Variants in IMMP2L observed in about 807,000 individuals in gnomAD.
The protein encoded by IMMP2L is inner mitochondrial membrane peptidase subunit 2.
A neutral mutation model predicts 19.3 loss-of-function variants in IMMP2L; 18 were observed. That is an observed-to-expected ratio of 0.93 (90% CI 0.64 to 1.38). The LOEUF is 1.38. Among genes scored for constraint, IMMP2L ranks in the 40% most tolerant of loss-of-function variants. IMMP2L has a pLI of 0.00. For synonymous variants in IMMP2L, 76 were observed against 73.0 expected, an observed-to-expected ratio of 1.04 and a Z score of -0.21; for missense variants, 233 against 218.2, an observed-to-expected ratio of 1.07 and a Z score of -0.43.
At chr7:111,192,407 A>G (rs1020960239) in intron 3 of IMMP2L, among the ~76,000 whole-genome samples, 9 of 152,224 alleles carry the variant, frequency 5.9e-5, no homozygotes, top group African/African-American at 2.2e-4. Flanking sequence ...ATTTCCTGCT[A>G]TTCTAAAGCC....
intron 3 of IMMP2L, among the ~76,000 whole-genome samples, chr7:111,482,711 C>G (rs1045600102): frequency 1.1e-4 from 16 of 152,154 alleles, no homozygotes; most frequent in African/African-American, 3.6e-4. Flanking sequence ...ACCTCCCCAG[C>G]TGGCCCTACT....
intron 3 of IMMP2L, among the ~76,000 whole-genome samples, chr7:111,315,520 C>T (rs562312508): frequency 9.2e-5 from 14 of 151,908 alleles, no homozygotes; most frequent in Non-Finnish European, 1.0e-4. Context: ...TAAAAATTTA[C>T]GTGGATATTT....
chr7:111,108,614 A>G (rs1798818667), intron 3 of IMMP2L, among the ~76,000 whole-genome samples: 2 of 152,154 alleles, frequency 1.3e-5, no homozygotes, highest in African/African-American at 4.8e-5. Flanking sequence ...GAAATTTATG[A>G]TTCTTTTTAA....
chr7:111,282,931 T>C (rs934776378), intron 3 of IMMP2L, among the ~76,000 whole-genome samples: 2 of 151,938 alleles, frequency 1.3e-5, no homozygotes, highest in Non-Finnish European at 1.5e-5. Flanking sequence ...AGACAGAAGA[T>C]CAACAAGGAA....
intron 3 of IMMP2L, among the ~76,000 whole-genome samples, chr7:111,372,893 A>C (rs760355197): frequency 1.3e-5 from 2 of 152,048 alleles, no homozygotes; most frequent in Non-Finnish European, 2.9e-5. Flanking sequence ...ATGTTCTTGC[A>C]AATACCCATA....
At chr7:111,026,013 AACACACAC>A (rs144001447) in intron 3 of IMMP2L, among the ~76,000 whole-genome samples, 3 of 148,518 alleles carry the variant, frequency 2.0e-5, no homozygotes, top group Non-Finnish European at 4.5e-5. Context: ...GCTAATATTA[AACACACAC>A]ACACACACAC....
intron 3 of IMMP2L, among the ~76,000 whole-genome samples, chr7:110,976,875 G>A (rs1820753334): frequency 6.6e-6 from 1 of 151,886 alleles, no homozygotes; most frequent in South Asian, 2.1e-4. Flanking sequence ...TGACAATACT[G>A]ATTTTAAAAC....
chr7:110,967,144 C>A lies in IMMP2L; in HGVS notation c.240-3579G>T, dbSNP rs770504092. ...AGAATTGTTTCTTTACTGCATGAGTCTTAGCAGCTCTGTGTGGTATGGCAG... is the reference window on the plus strand; with the variant it reads ...AGAATTGTTTCTTTACTGCATGAGTATTAGCAGCTCTGTGTGGTATGGCAG... On this transcript the variant is annotated intron_variant, in intron 3 of 5. Transcript: ENST00000405709. Among the ~76,000 whole-genome samples, 18 of 152,054 alleles carry A rather than the reference C, an allele frequency of 1.2e-4. 1 individual carries two copies. The highest frequency in any genetic ancestry group is 2.0e-4 in the Admixed American group (3 of 15,246).
At chr7:111,515,110 T>C (rs1156794589) in intron 2 of IMMP2L, among the ~76,000 whole-genome samples, 1 of 152,136 alleles carries the variant, frequency 6.6e-6, no homozygotes, top group Non-Finnish European at 1.5e-5. Context: ...TGCAATATTT[T>C]TACTGGGATA....
chr7:111,313,421 T>A (rs1823720247), intron 3 of IMMP2L, among the ~76,000 whole-genome samples: 1 of 152,090 alleles, frequency 6.6e-6, no homozygotes, highest in African/African-American at 2.4e-5. Context: ...CAGCACTAAC[T>A]GTCACAAAAC....
rs115147468 is a variant in IMMP2L, at chr7:111,275,330, C to T, written c.239+211908G>A. On this transcript the variant is annotated intron_variant, in intron 3 of 5. Transcript: ENST00000405709. ...TTCTACCAACAAACTCAAATATTTCCGAGGAGAATTAGCTTGTTAAAAAGA... is the reference window on the plus strand; with the variant it reads ...TTCTACCAACAAACTCAAATATTTCTGAGGAGAATTAGCTTGTTAAAAAGA... Among the ~76,000 whole-genome samples, 623 of 152,168 alleles carry T rather than the reference C, an allele frequency of 4.1e-3. 8 individuals carry two copies. Among genetic ancestry groups the T allele is most frequent in the African/African-American group, 0.014 (601 of 41,528 alleles).
At chr7:110,905,816 G>A (rs781442315) in intron 4 of IMMP2L, among the ~76,000 whole-genome samples, 1 of 152,064 alleles carries the variant, frequency 6.6e-6, no homozygotes, top group Non-Finnish European at 1.5e-5. Context: ...CAAAGGCATG[G>A]AATTTATCAT....
At chr7:111,163,152 G>A (rs1172784474) in intron 3 of IMMP2L, among the ~76,000 whole-genome samples, 1 of 152,052 alleles carries the variant, frequency 6.6e-6, no homozygotes, top group East Asian at 1.9e-4. Context: ...GGAGACAACT[G>A]TCACTCTCAC....
intron 5 of IMMP2L, among the ~76,000 whole-genome samples, chr7:110,731,318 C>T (rs1346491964): frequency 1.3e-5 from 2 of 151,962 alleles, no homozygotes; most frequent in Non-Finnish European, 2.9e-5. Context: ...TATCTAGCTG[C>T]CCAAGTGTGT....
At chr7:110,774,072 G>A (rs182917528) in intron 5 of IMMP2L, among the ~76,000 whole-genome samples, 1 of 152,074 alleles carries the variant, frequency 6.6e-6, no homozygotes, top group East Asian at 1.9e-4. Flanking sequence ...TGGGAAGGGG[G>A]AAGGCTGAAA....
intron 5 of IMMP2L, among the ~76,000 whole-genome samples, chr7:110,762,962 C>T (rs762333506): frequency 1.3e-5 from 2 of 152,066 alleles, no homozygotes; most frequent in Non-Finnish European, 2.9e-5. Flanking sequence ...ATTCTCTTTT[C>T]CTGTAACACT....
intron 3 of IMMP2L, among the ~76,000 whole-genome samples, chr7:111,049,838 G>A (rs1052484635): frequency 1.3e-5 from 2 of 152,204 alleles, no homozygotes; most frequent in Non-Finnish European, 2.9e-5. Context: ...ACTGAAGACA[G>A]TAAATATTTA....
chr7:111,192,881 G>A (rs1280943333), intron 3 of IMMP2L, among the ~76,000 whole-genome samples: 9 of 152,156 alleles, frequency 5.9e-5, no homozygotes, highest in Non-Finnish European at 1.2e-4. Context: ...GGTAGCTGAT[G>A]AGGTAAGGGA....
At chr7:110,978,314 T>C (rs1018762348) in intron 3 of IMMP2L, among the ~76,000 whole-genome samples, 3 of 152,012 alleles carry the variant, frequency 2.0e-5, no homozygotes, top group Admixed American at 2.0e-4. Flanking sequence ...ATGTTAATAT[T>C]TTAAAAGAGT....
Sources: gnomAD v4.1 joint callset for allele counts (sites outside exome capture counted in the v4.1 genomes callset) on GRCh38, gnomAD v4.1.1 for gene constraint, MANE v1.5 for transcripts, NCBI Gene and HGNC (gene_info 2026-07-23, HGNC 2026-07-21) for gene names.